Variants in PTH2 observed in about 807,000 individuals in gnomAD.
The protein encoded by PTH2 is tuberoinfundibular 39 residue protein.
In PTH2, 5 loss-of-function variants were observed where a neutral mutation model predicts 6.2. That is an observed-to-expected ratio of 0.80 (90% confidence interval 0.42 to 1.69). PTH2 has a LOEUF of 1.69. PTH2 is among the 40% of genes most tolerant of loss of function. The pLI is 0.02. For synonymous variants in PTH2, 67 were observed against 73.6 expected (o/e 0.91, Z 0.46); for missense variants, 156 against 142.5 (o/e 1.09, Z -0.48).
chr19:49,422,599 T>G lies in PTH2; in HGVS notation c.172A>C (p.Arg58=). 6 of 1,509,062 alleles carry G rather than the reference T, an allele frequency of 4.0e-6. No homozygotes were observed. In the South Asian group the frequency reaches 7.8e-5, roughly 20 times the overall value. 93.5% of individuals were successfully genotyped at this position (1,509,062 alleles called of 1,614,324 possible). A position where few individuals can be genotyped will look rare whatever the true frequency, so the allele number is the denominator to read the frequency against. The change falls in exon 2 of 2, where the codon AGG becomes CGG. Residue 58 remains arginine (R), a synonymous_variant. Coordinates refer to ENST00000270631, the MANE Select transcript of PTH2 (RefSeq NM_178449.4). The part of the protein sequence containing the change: ...GRAWADPATP[R]PRRSLALADD... Reference sequence around the variant, plus strand: ...GCCAGCGCCAGGCTCCTCCGCGGCCTGGGGGTGGCGGGATCCGCCCAGGCC... The same window carrying G: ...GCCAGCGCCAGGCTCCTCCGCGGCCGGGGGGTGGCGGGATCCGCCCAGGCC...
rs1243990783 is a variant in PTH2, at chr19:49,423,410, A to G, written c.-71T>C. ...CCCAGAACCCCGGGCCCCACCATGC[A>G]TCCACCCCCAGCTTCCCGCACAGTC... On this transcript the variant is annotated 5_prime_UTR_variant, in exon 1 of 2. The change abolishes an upstream ATG in the 5' untranslated region. Transcript: ENST00000270631. The G allele has an allele frequency of 6.6e-7, 1 of 1,513,656 alleles. No homozygotes were observed. Among genetic ancestry groups the G allele is most frequent in the African/African-American group, 1.4e-5 (1 of 72,502 alleles). 93.8% of individuals were successfully genotyped at this position (1,513,656 alleles called of 1,614,324 possible).
At chr19:49,423,090 C>CG in intron 1 of PTH2, 122 bp downstream of exon 1, 10 of 1,281,770 alleles carry the variant, frequency 7.8e-6, no homozygotes, top group Non-Finnish European at 1.1e-5. Flanking sequence ...CGCTGGGTCT[C>CG]GGTCGCCCTC....
intron 1 of PTH2, 141 bp from the exon 2 acceptor site, chr19:49,422,783 G>T: frequency 2.5e-6 from 2 of 785,500 alleles, no homozygotes. Context: ...CGTTCTCTGT[G>T]TGGGTCTCTG....
chr19:49,423,055 C>T (rs1364078617), intron 1 of PTH2, among the ~76,000 whole-genome samples, 157 bp downstream of exon 1: 1 of 152,148 alleles, frequency 6.6e-6, no homozygotes, highest in South Asian at 2.1e-4. Flanking sequence ...CTCCCGCCTT[C>T]CCCCACCCCT....
In PTH2 at chr19:49,422,591, C is replaced by T. The variant is rs1322918379; in HGVS notation, c.180G>A (p.Arg60=). The T allele has an allele frequency of 6.5e-7, 1 of 1,540,850 alleles. No homozygotes were observed. The highest frequency in any genetic ancestry group is 1.4e-5 in the African/African-American group (1 of 70,164). ...AWADPATPRP[R]RSLALADDAA... ...CGTCGTCCGCCAGCGCCAGGCTCCT[C>T]CGCGGCCTGGGGGTGGCGGGATCCG... The change falls in exon 2 of 2, where the codon CGG becomes CGA. Residue 60 remains arginine, a synonymous_variant. Coordinates refer to ENST00000270631, the MANE Select transcript of PTH2 (RefSeq NM_178449.4).
intron 1 of PTH2, 51 bp from the exon 2 acceptor site, chr19:49,422,693 T>C (rs879623965): frequency 6.2e-5 from 85 of 1,373,140 alleles, no homozygotes; most frequent in Non-Finnish European, 7.9e-5. Flanking sequence ...TGCCGCCGCC[T>C]GTCCTCCCCG....
At position 49,423,309 on chromosome 19, in the gene PTH2, G is replaced by T. The variant is rs1239710039; in HGVS notation, c.31C>A (p.Arg11=). 1 of 1,608,410 alleles carries T rather than the reference G, an allele frequency of 6.2e-7. No homozygotes were observed. The highest frequency in any genetic ancestry group is 8.5e-7 in the Non-Finnish European group (1 of 1,177,578). The change falls in exon 1 of 2, where the codon CGG becomes AGG. Residue 11 remains arginine, a synonymous_variant. Coordinates refer to ENST00000270631, the MANE Select transcript of PTH2 (RefSeq NM_178449.4). METRQVSRSP[R]VRLLLLLLLL... is the part of the protein sequence containing the mutation. The stretch of plus-strand genomic sequence containing the variant: ...AGCAGCAGCAGCAGCAGCCGAACCC[G>T]AGGGCTCCTGGACACCTGGCGGGTC...
rs1975030014 is a variant in PTH2 at position 49,422,660 on chromosome 19, G to A, written c.129-18C>T. On this transcript the variant is annotated intron_variant, in intron 1 of 1. Coordinates refer to ENST00000270631, the MANE Select transcript of PTH2 (RefSeq NM_178449.4). ...GGCGGAGGCTGTGGAGAGACGCGGT[G>A]ACCGCGCGTCCAGACTCGCTCTTGC... 1 of 1,395,206 alleles carries A rather than the reference G, an allele frequency of 7.2e-7. No homozygotes were observed. The highest frequency in any genetic ancestry group is 1.5e-5 in the African/African-American group (1 of 65,322). 86.4% of individuals were successfully genotyped at this position (1,395,206 alleles called of 1,614,324 possible).
At position 49,422,553 on chromosome 19, in the gene PTH2, T is replaced by C. The variant is rs1975027553; in HGVS notation, c.218A>G (p.Glu73Gly). ...GAGGGCGGCCAGCAACCGCGCGCGC[T>C]CCCGGAAGGCCGCGTCGTCCGCCAG... is the stretch of plus-strand genomic sequence containing the variant. ...LALADDAAFR[E>G]RARLLAALER... The change falls in exon 2 of 2, where the codon GAG becomes GGG. Residue 73 changes from glutamate to glycine, a missense_variant. By Grantham distance (98) the Glu-to-Gly change is moderately conservative (BLOSUM62 -2). Transcript: ENST00000270631. 1 of 1,593,816 alleles carries C rather than the reference T, an allele frequency of 6.3e-7. No individual in the cohort carries two copies. Among genetic ancestry groups the C allele is most frequent in the East Asian group, 2.4e-5 (1 of 42,076 alleles).
At position 49,422,500 on chromosome 19, in the gene PTH2, T is replaced by C. The variant is rs549552016; in HGVS notation, c.271A>G (p.Met91Val). The C allele has an allele frequency of 1.4e-4, 222 of 1,601,894 alleles. 1 individual carries two copies. In the South Asian group the frequency reaches 2.4e-3, roughly 17 times the overall value. ...GCATCCAACACCAGCAGCTTGTGCA[T>C]GTACGAGTTCAGCCAGTGGCGGCGC... ...LERRHWLNSY[M>V]HKLLVLDAP The change falls in exon 2 of 2, where the codon ATG becomes GTG. Residue 91 changes from methionine to valine, a missense_variant. Met to Val is a conservative substitution (Grantham distance 21). Transcript: ENST00000270631.
chr19:49,423,230 G>C lies in PTH2; in HGVS notation c.110C>G (p.Pro37Arg). The C allele has an allele frequency of 6.2e-7, 1 of 1,613,734 alleles. No individual in the cohort carries two copies. The highest frequency in any genetic ancestry group is 8.5e-7 in the Non-Finnish European group (1 of 1,179,794). ...GVRTASGVALPPVGVLSLRPP... is the reference protein window; with the variant it reads ...GVRTASGVALRPVGVLSLRPP... ...CACCTACCTGAGGACCCCGACCGGG[G>C]GCAGGGCGACTCCCGAGGCAGTGCG... The change falls in exon 1 of 2, where the codon CCC becomes CGC. Residue 37 changes from proline to arginine, a missense_variant. By Grantham distance (103) the Pro-to-Arg change is moderately radical. Coordinates refer to ENST00000270631, the MANE Select transcript of PTH2 (RefSeq NM_178449.4).
rs1342353537 is a variant in PTH2 at position 49,423,194 on chromosome 19, T to G, written c.128+18A>C. ...CAAGTTCCCACCCCTCCCTGGGAGTTCTGGGACTGGCACCTACCTGAGGAC... is the reference window on the plus strand; with the variant it reads ...CAAGTTCCCACCCCTCCCTGGGAGTGCTGGGACTGGCACCTACCTGAGGAC... On this transcript the variant is annotated intron_variant, in intron 1 of 1. Transcript: ENST00000270631. The G allele has an allele frequency of 6.2e-7, 1 of 1,611,074 alleles. No homozygotes were observed. Among genetic ancestry groups the G allele is most frequent in the East Asian group, 2.2e-5 (1 of 44,772 alleles).
chr19:49,423,186 C>G, intron 1 of PTH2, 26 bp downstream of exon 1: 1 of 1,609,212 alleles, frequency 6.2e-7, no homozygotes, highest in Non-Finnish European at 8.5e-7. Flanking sequence ...CCACCCCTCC[C>G]TGGGAGTTCT....
In PTH2 at chr19:49,423,221, C is replaced by G; in HGVS notation, c.119G>C (p.Gly40Ala). The change falls in exon 1 of 2, where the codon GGG becomes GCG. Residue 40 changes from glycine (G) to alanine (A), a missense_variant. Physicochemically the swap from Gly to Ala is moderately conservative, Grantham distance 60. Transcript: ENST00000270631. ...TGGGACTGGCACCTACCTGAGGACC[C>G]CGACCGGGGGCAGGGCGACTCCCGA... Reference protein sequence around the residue: ...TASGVALPPVGVLSLRPPGRA... With the variant: ...TASGVALPPVAVLSLRPPGRA... 6.2e-7 allele frequency: 1 copy of G among 1,613,566 alleles called. No homozygotes were observed. Among genetic ancestry groups the G allele is most frequent in the Non-Finnish European group, 8.5e-7 (1 of 1,179,658 alleles).
At chr19:49,422,762 CCT>C in intron 1 of PTH2, 120 bp from the exon 2 acceptor site, 3 of 929,578 alleles carry the variant, frequency 3.2e-6, no homozygotes, top group Non-Finnish European at 3.0e-6. Context: ...TCCGGCTCCC[CCT>C]GTCTCTCTCG....
At position 49,422,566 on chromosome 19, in the gene PTH2, C is replaced by T. The variant is rs1212807239; in HGVS notation, c.205G>A (p.Ala69Thr). Residue 69 changes from alanine (A) to threonine (T), a missense_variant, in exon 2 of 2, where the codon GCG becomes ACG. Ala to Thr is a moderately conservative substitution (Grantham distance 58, BLOSUM62 0). Transcript: ENST00000270631. ...PRRSLALADD[A>T]AFRERARLLA... ...AACCGCGCGCGCTCCCGGAAGGCCG[C>T]GTCGTCCGCCAGCGCCAGGCTCCTC... 3 of 1,589,436 alleles carry T rather than the reference C, an allele frequency of 1.9e-6. No homozygotes were observed. The highest frequency in any genetic ancestry group is 1.7e-6 in the Non-Finnish European group (2 of 1,170,802).
In PTH2 at chr19:49,423,209, T is replaced by C; in HGVS notation, c.128+3A>G. 1 of 1,613,234 alleles carries C rather than the reference T, an allele frequency of 6.2e-7. No individual in the cohort carries two copies. The highest frequency in any genetic ancestry group is 8.5e-7 in the Non-Finnish European group (1 of 1,179,482). ...CCCTGGGAGTTCTGGGACTGGCACC[T>C]ACCTGAGGACCCCGACCGGGGGCAG... On this transcript the variant is annotated splice_donor_region_variant and intron_variant, in intron 1 of 1. Coordinates refer to ENST00000270631, the MANE Select transcript of PTH2 (RefSeq NM_178449.4).
rs370446661 is a variant in PTH2, at chr19:49,423,377, C to T, written c.-38G>A. 1.4e-5 allele frequency: 22 copies of T among 1,543,178 alleles called. No homozygotes were observed. Among genetic ancestry groups the T allele is most frequent in the Non-Finnish European group, 1.8e-5 (21 of 1,146,130 alleles). ...ACCAGAAAGGGGCTCAGTAGGGCTG[C>T]ATCCCGGCCCAGAACCCCGGGCCCC... On this transcript the variant is annotated 5_prime_UTR_variant, in exon 1 of 2. It removes an upstream start codon present in the reference 5' UTR. Coordinates refer to ENST00000270631, the MANE Select transcript of PTH2 (RefSeq NM_178449.4).
At position 49,422,487 on chromosome 19, in the gene PTH2, A is replaced by G. The variant is rs537353738; in HGVS notation, c.284T>C (p.Leu95Pro). The G allele has an allele frequency of 6.2e-7, 1 of 1,602,046 alleles. No individual in the cohort carries two copies. The highest frequency in any genetic ancestry group is 2.3e-5 in the East Asian group (1 of 42,892). The part of the protein sequence containing the change: ...HWLNSYMHKL[L>P]VLDAP ...GCGCGCTCAGGGCGCATCCAACACC[A>G]GCAGCTTGTGCATGTACGAGTTCAG... The change falls in exon 2 of 2, where the codon CTG becomes CCG. Residue 95 changes from leucine to proline, a missense_variant. Transcript: ENST00000270631.
Sources: gnomAD v4.1 joint callset for allele counts (sites outside exome capture counted in the v4.1 genomes callset) on GRCh38, gnomAD v4.1.1 for gene constraint, MANE v1.5 for transcripts, NCBI Gene and HGNC (gene_info 2026-07-23, HGNC 2026-07-21) for gene names.